The following MTRES1 variants were observed in gnomAD, a reference collection of about 807,000 sequenced individuals.
The protein encoded by MTRES1 is mitochondrial transcription rescue factor 1.
MTRES1 carries 11 observed loss-of-function variants against 17.4 expected under a neutral mutation model. The observed-to-expected ratio is 0.63, with a 90% CI of 0.40 to 1.05. MTRES1 has a LOEUF of 1.05. Among genes scored for constraint, MTRES1 ranks in the 50% least tolerant of loss-of-function variants. The pLI, the probability that MTRES1 is intolerant of heterozygous loss-of-function variation, is 0.00. For missense variants in MTRES1, 268 were observed against 276.2 expected (o/e 0.97, Z 0.21); for synonymous variants, 94 against 99.6 (o/e 0.94, Z 0.34).
chr6:107,038,469 C>A (rs554551983), intron 1 of MTRES1, among the ~76,000 whole-genome samples: 1 of 152,272 alleles, frequency 6.6e-6, no homozygotes, highest in Non-Finnish European at 1.5e-5. Flanking sequence ...TCTGACATGT[C>A]ACAAGCACTT....
At chr6:107,047,872 C>T (rs1774443897) in intron 3 of MTRES1, among the ~76,000 whole-genome samples, 1 of 151,736 alleles carries the variant, frequency 6.6e-6, no homozygotes, top group African/African-American at 2.4e-5. Flanking sequence ...GGCAGCAGAG[C>T]GAGACTCCAT....
chr6:107,032,922 TC>T (rs1252679620), intron 1 of MTRES1, among the ~76,000 whole-genome samples: 2 of 152,152 alleles, frequency 1.3e-5, no homozygotes, highest in African/African-American at 4.8e-5. Flanking sequence ...GGGTTCAGCC[TC>T]CCCGGACCTG....
At chr6:107,039,645 CGTATA>C (rs1774123778) in intron 1 of MTRES1, 99 bp from the exon 2 acceptor site, 28 of 1,227,752 alleles carry the variant, frequency 2.3e-5, no homozygotes, top group Non-Finnish European at 3.0e-5. Flanking sequence ...GGGGCGAATA[CGTATA>C]GTACTGTACA....
At chr6:107,034,762 C>T (rs542161051) in intron 1 of MTRES1, among the ~76,000 whole-genome samples, 4 of 152,228 alleles carry the variant, frequency 2.6e-5, no homozygotes, top group Non-Finnish European at 5.9e-5. Flanking sequence ...CCAAGGTGGG[C>T]AGATCACCTG....
intron 1 of MTRES1, among the ~76,000 whole-genome samples, chr6:107,037,257 A>G (rs955020793): frequency 6.6e-6 from 1 of 152,096 alleles, no homozygotes; most frequent in Non-Finnish European, 1.5e-5. Context: ...TTGAGTAGAG[A>G]TGGGGTTTCA....
In MTRES1 at chr6:107,040,266, G is replaced by A. The variant is rs370259420; in HGVS notation, c.470+36G>A. The stretch of plus-strand genomic sequence containing the variant: ...TACGCATTTCATTATAAACTCGCTC[G>A]TAGTCATGTTATTTTAATATAGCAT... On this transcript the variant is annotated intron_variant, in intron 2 of 3. Coordinates refer to ENST00000311381, the MANE Select transcript of MTRES1 (RefSeq NM_016487.5). 1.8e-3 allele frequency: 2,751 copies of A among 1,536,360 alleles called. 4 individuals carry two copies. The highest frequency in any genetic ancestry group is 2.1e-3 in the Non-Finnish European group (2,442 of 1,145,480).
In MTRES1 at chr6:107,051,406, A is replaced by G; in HGVS notation, c.*170A>G. The G allele has an allele frequency of 1.6e-5, 9 of 576,914 alleles. No homozygotes were observed. The highest frequency in any genetic ancestry group is 1.5e-5 in the Non-Finnish European group (5 of 333,954). The allele number at this position is 576,914 out of a possible 1,614,324, so 35.7% of individuals were successfully genotyped here. A position where few individuals can be genotyped will look rare whatever the true frequency, so the allele number is the denominator to read the frequency against. On this transcript the variant is annotated 3_prime_UTR_variant, in exon 4 of 4. Coordinates refer to ENST00000311381, the MANE Select transcript of MTRES1 (RefSeq NM_016487.5). The stretch of plus-strand genomic sequence containing the variant: ...GGAGACACTTCCCAAGGCCTGCCTC[A>G]CCTCCACCCCCTGCCCACCTTGATC...
chr6:107,034,320 G>C (rs924232629), intron 1 of MTRES1, among the ~76,000 whole-genome samples: 18 of 152,150 alleles, frequency 1.2e-4, no homozygotes, highest in Non-Finnish European at 2.1e-4. Flanking sequence ...GTCTGACACA[G>C]AAACAGGACT....
chr6:107,029,405 T>C (rs1446195676), intron 1 of MTRES1, among the ~76,000 whole-genome samples: 1 of 151,946 alleles, frequency 6.6e-6, no homozygotes, highest in Admixed American at 6.6e-5. Flanking sequence ...GCCAGGATGG[T>C]CTCGATTTCC....
intron 3 of MTRES1, among the ~76,000 whole-genome samples, chr6:107,048,010 C>G (rs1554228617): frequency 6.6e-6 from 1 of 152,200 alleles, no homozygotes; most frequent in African/African-American, 2.4e-5. Flanking sequence ...CTACAGTACA[C>G]TATGATTATG....
Position 107,051,298 on chromosome 6 carries a change from A to G in MTRES1, c.*62A>G. The G allele has an allele frequency of 1.5e-6, 2 of 1,350,370 alleles. No homozygotes were observed. The highest frequency in any genetic ancestry group is 2.0e-6 in the Non-Finnish European group (2 of 977,326). 83.6% of individuals were successfully genotyped at this position (1,350,370 alleles called of 1,614,324 possible). On this transcript the variant is annotated 3_prime_UTR_variant, in exon 4 of 4. Transcript: ENST00000311381. ...GGTAAAGGAAGGGGTCACCTGAAAA[A>G]TAGGACATTTTTATTAAAATAAAGT...
intron 2 of MTRES1, 120 bp from the exon 3 acceptor site, chr6:107,044,140 A>G (rs889635759): frequency 7.5e-6 from 5 of 667,266 alleles, no homozygotes; most frequent in Non-Finnish European, 1.0e-5. Flanking sequence ...AACAAAAAAA[A>G]TAGATTTGAG....
chr6:107,044,362 A>T, intron 3 of MTRES1, 30 bp downstream of exon 3: 1 of 1,569,488 alleles, frequency 6.4e-7, no homozygotes, highest in Non-Finnish European at 8.8e-7. Context: ...TGACAGCCAG[A>T]TGTTTTCGTC....
At chr6:107,038,923 G>A (rs575365507) in intron 1 of MTRES1, among the ~76,000 whole-genome samples, 1 of 152,152 alleles carries the variant, frequency 6.6e-6, no homozygotes, top group African/African-American at 2.4e-5. Flanking sequence ...ACGTGGTGGT[G>A]CATGCCTGTA....
At position 107,039,522 on chromosome 6, in the gene MTRES1, G is replaced by A. The variant is rs558783589; in HGVS notation, c.-12-227G>A. Among the ~76,000 whole-genome samples the A allele has an allele frequency of 3.3e-5, 5 of 152,178 alleles. No homozygotes were observed. In the East Asian group the frequency reaches 9.7e-4, roughly 29 times the overall value. On this transcript the variant is annotated intron_variant, in intron 1 of 3. Transcript: ENST00000311381. ...TTTAGTAGAGATGGGGTTTTGCCATGTTGGCCAGGCTGGTCTTGTACTCCT... is the reference window on the plus strand; with the variant it reads ...TTTAGTAGAGATGGGGTTTTGCCATATTGGCCAGGCTGGTCTTGTACTCCT...
intron 3 of MTRES1, among the ~76,000 whole-genome samples, chr6:107,049,761 G>A (rs1278828036): frequency 2.2e-5 from 3 of 137,156 alleles, no homozygotes; most frequent in Admixed American, 1.6e-4. Flanking sequence ...TGCTCTTGTC[G>A]CCCAGGCTGG....
intron 2 of MTRES1, among the ~76,000 whole-genome samples, chr6:107,041,240 AAAG>A (rs1562281871): frequency 1.0e-5 from 1 of 99,844 alleles, no homozygotes; most frequent in Non-Finnish European, 2.9e-5. Flanking sequence ...AAAAAAAAAA[AAAG>A]AATGCAGGCT....
In MTRES1 at chr6:107,040,386, C is replaced by T. The variant is rs1554227567; in HGVS notation, c.470+156C>T. 1.9e-5 allele frequency: 11 copies of T among 569,056 alleles called. No individual in the cohort carries two copies. The East Asian group carries it at 3.6e-4, about 19-fold the overall frequency. The allele number at this position is 569,056 out of a possible 1,614,324, so 35.3% of individuals were successfully genotyped here. A position where few individuals can be genotyped will look rare whatever the true frequency, so the allele number is the denominator to read the frequency against. The stretch of plus-strand genomic sequence containing the variant: ...TCAATTATTTCATTTTATAGATGAG[C>T]AAACTGATTTCCAAAGAAGTCAAGT... On this transcript the variant is annotated intron_variant, in intron 2 of 3. Transcript: ENST00000311381.
At chr6:107,039,651 G>T (rs759258095) in intron 1 of MTRES1, 98 bp from the exon 2 acceptor site, 341 of 1,293,288 alleles carry the variant, frequency 2.6e-4, no homozygotes, top group South Asian at 3.2e-4. Context: ...AATACGTATA[G>T]TACTGTACAT....
Sources: allele counts gnomAD v4.1 joint callset (sites outside exome capture counted in the v4.1 genomes callset), GRCh38; gene constraint gnomAD v4.1.1; transcripts MANE v1.5; gene names NCBI Gene and HGNC (gene_info 2026-07-23, HGNC 2026-07-21).